CDCA7L: variants seen among roughly 807,000 people sequenced by gnomAD.
The protein encoded by CDCA7L is cell division cycle-associated 7-like protein.
A neutral mutation model predicts 57.4 loss-of-function variants in CDCA7L; 44 were observed. That is an observed-to-expected ratio of 0.77 (90% CI 0.60 to 0.98). CDCA7L has a LOEUF of 0.98. Among genes scored for constraint, CDCA7L ranks in the 50% least tolerant of loss-of-function variants. The pLI, the probability that CDCA7L is intolerant of heterozygous loss-of-function variation, is 0.00. For synonymous variants in CDCA7L, 236 were observed against 202.8 expected (o/e 1.16, Z -1.39); for missense variants, 644 against 580.6 (o/e 1.11, Z -1.12).
At chr7:21,916,653 A>G in intron 2 of CDCA7L, 101 bp downstream of exon 2, 1 of 1,078,388 alleles carries the variant, frequency 9.3e-7, no homozygotes, top group Non-Finnish European at 1.4e-6. Flanking sequence ...TAGACAATGA[A>G]CTGATATCAC....
At chr7:21,933,539 AAACT>A (rs1340923909) in intron 1 of CDCA7L, among the ~76,000 whole-genome samples, 1 of 152,196 alleles carries the variant, frequency 6.6e-6, no homozygotes, top group Non-Finnish European at 1.5e-5. Context: ...AATTATCAGC[AAACT>A]AACACAAGAA....
chr7:21,945,484 G>C (rs1786492502), intron 1 of CDCA7L, among the ~76,000 whole-genome samples: 1 of 152,144 alleles, frequency 6.6e-6, no homozygotes, highest in Non-Finnish European at 1.5e-5. Flanking sequence ...CGCAGGCGCT[G>C]CGCCCCGCTA....
rs558302604 is a variant in CDCA7L, at chr7:21,927,303, C to G, written c.25-10409G>C. Among the ~76,000 whole-genome samples, 39 of 151,902 alleles carry G rather than the reference C, an allele frequency of 2.6e-4. No homozygotes were observed. The South Asian group carries it at 2.9e-3, about 11-fold the overall frequency. On this transcript the variant is annotated intron_variant, in intron 1 of 9. Coordinates refer to ENST00000406877, the MANE Select transcript of CDCA7L (RefSeq NM_018719.5). ...GAATCTGGAAAACGAGCAAAATGAG[C>G]CTATTAACAAAGAGAAATGAAGAAG... is the stretch of plus-strand genomic sequence containing the variant.
Position 21,902,967 on chromosome 7 carries a change from G to C in CDCA7L, c.1334+11C>G, listed in dbSNP as rs769506306. The C allele has an allele frequency of 1.9e-6, 3 of 1,612,224 alleles. No individual in the cohort carries two copies. The highest frequency in any genetic ancestry group is 2.5e-6 in the Non-Finnish European group (3 of 1,178,758). ...TCAAGCTGTTTTGTAAGCTGCTAGA[G>C]ACTTACTTACCTCTCCAGATATTCC... On this transcript the variant is annotated intron_variant, in intron 9 of 9. Coordinates refer to ENST00000406877, the MANE Select transcript of CDCA7L (RefSeq NM_018719.5).
At chr7:21,909,556 G>A (rs930256464) in intron 3 of CDCA7L, among the ~76,000 whole-genome samples, 1 of 152,106 alleles carries the variant, frequency 6.6e-6, no homozygotes, top group Non-Finnish European at 1.5e-5. Context: ...GCCAACCCTG[G>A]TATATCCACA....
chr7:21,905,378 CCAATT>C, intron 7 of CDCA7L, 123 bp downstream of exon 7: 1 of 1,056,058 alleles, frequency 9.5e-7, no homozygotes, highest in East Asian at 2.5e-5. Flanking sequence ...TTTTGACCCT[CCAATT>C]CAGAGCCTGG....
chr7:21,917,028 T>C, intron 1 of CDCA7L, 134 bp from the exon 2 acceptor site: 1 of 922,618 alleles, frequency 1.1e-6, no homozygotes, highest in Non-Finnish European at 1.7e-6. Flanking sequence ...CCAGTAACCC[T>C]CAGCAAAACA....
rs1286904628 is a variant in CDCA7L, at chr7:21,903,011, T to C, written c.1301A>G (p.Tyr434Cys). The C allele has an allele frequency of 1.2e-6, 2 of 1,613,854 alleles. No individual in the cohort carries two copies. Among genetic ancestry groups the C allele is most frequent in the Admixed American group, 1.7e-5 (1 of 60,014 alleles). The change falls in exon 9 of 10, where the codon TAT becomes TGT. Residue 434 changes from tyrosine to cysteine, a missense_variant. Physicochemically the swap from Tyr to Cys is radical, Grantham distance 194. Coordinates refer to ENST00000406877, the MANE Select transcript of CDCA7L (RefSeq NM_018719.5). ...ATATTCCTTAACATTGTCATAACCA[T>C]AAAACTTGGCCAGATGAATGAGGAT... ...TGILIHLAKFYGYDNVKEYLE... is the reference protein window; with the variant it reads ...TGILIHLAKFCGYDNVKEYLE...
intron 2 of CDCA7L, among the ~76,000 whole-genome samples, chr7:21,913,779 G>C (rs1004115965): frequency 6.6e-6 from 1 of 152,170 alleles, no homozygotes; most frequent in African/African-American, 2.4e-5. Context: ...CAGGGCAATG[G>C]GCATCTTGGG....
At chr7:21,904,626 A>T (rs1230805598) in intron 7 of CDCA7L, among the ~76,000 whole-genome samples, 1 of 152,174 alleles carries the variant, frequency 6.6e-6, no homozygotes, top group Non-Finnish European at 1.5e-5. Context: ...CCTTTATAAG[A>T]ATCTAATGCC....
chr7:21,902,357 G>A lies in CDCA7L; in HGVS notation c.1335-5C>T, dbSNP rs1784937398. 1 of 1,613,558 alleles carries A rather than the reference G, an allele frequency of 6.2e-7. No individual in the cohort carries two copies. The highest frequency in any genetic ancestry group is 1.3e-5 in the African/African-American group (1 of 74,968). ...TCTACCAGCTCCTTTTGTAAGCTGG[G>A]AAAAAGATGAGAAGTATTTGGTAAA... On this transcript the variant is annotated splice_polypyrimidine_tract_variant and splice_region_variant and intron_variant, in intron 9 of 9. Transcript: ENST00000406877.
intron 2 of CDCA7L, among the ~76,000 whole-genome samples, chr7:21,912,795 A>G (rs931077192): frequency 6.6e-6 from 1 of 152,236 alleles, no homozygotes; most frequent in South Asian, 2.1e-4. Context: ...AACCATGGCT[A>G]GGTGGCAAGT....
chr7:21,903,252 G>T, intron 8 of CDCA7L, 138 bp from the exon 9 acceptor site: 1 of 762,698 alleles, frequency 1.3e-6, no homozygotes, highest in Non-Finnish European at 2.0e-6. Context: ...ACGTCCCAGG[G>T]GGCTCCTCAC....
At chr7:21,939,064 T>C (rs1157360861) in intron 1 of CDCA7L, among the ~76,000 whole-genome samples, 1 of 152,138 alleles carries the variant, frequency 6.6e-6, no homozygotes, top group African/African-American at 2.4e-5. Context: ...GGATAAACTT[T>C]AATAACAATG....
chr7:21,945,717 CG>C, intron 1 of CDCA7L, 63 bp downstream of exon 1: 1 of 1,591,438 alleles, frequency 6.3e-7, no homozygotes, highest in Non-Finnish European at 8.6e-7. Context: ...CCAGCAGGAC[CG>C]GGTGGCAAAG....
chr7:21,921,470 T>C (rs529201579), intron 1 of CDCA7L, among the ~76,000 whole-genome samples: 106 of 152,102 alleles, frequency 7.0e-4, no homozygotes, highest in African/African-American at 2.5e-3. Context: ...CACAGGGACC[T>C]CTTCTAATGA....
intron 1 of CDCA7L, among the ~76,000 whole-genome samples, chr7:21,944,034 G>A (rs372093339): frequency 1.3e-5 from 2 of 152,126 alleles, no homozygotes; most frequent in African/African-American, 4.8e-5. Context: ...AAGGAGCTCC[G>A]GAGTGATAAA....
intron 7 of CDCA7L, among the ~76,000 whole-genome samples, chr7:21,904,838 A>G (rs1785087422): frequency 6.6e-6 from 1 of 152,182 alleles, no homozygotes; most frequent in Admixed American, 6.5e-5. Flanking sequence ...AGAAGGAATG[A>G]AATGATCAGG....
intron 1 of CDCA7L, among the ~76,000 whole-genome samples, chr7:21,940,849 G>GT (rs1786320117): frequency 6.6e-6 from 1 of 152,168 alleles, no homozygotes; most frequent in Non-Finnish European, 1.5e-5. Flanking sequence ...GGTTTTCTTG[G>GT]TTTTCTAGGC....
Sources: allele counts gnomAD v4.1 joint callset (sites outside exome capture counted in the v4.1 genomes callset), GRCh38; gene constraint gnomAD v4.1.1; transcripts MANE v1.5; gene names NCBI Gene and HGNC (gene_info 2026-07-23, HGNC 2026-07-21).